Variants in ZC3H3 observed in about 807,000 individuals in gnomAD.
ZC3H3 encodes zinc finger CCCH-type containing 3.
Under a neutral mutation model 77.3 loss-of-function variants are expected in ZC3H3, and 36 were observed. The ratio of observed to expected loss-of-function variants is 0.47; its 90% confidence interval spans 0.36 to 0.61. The LOEUF (loss-of-function observed/expected upper bound fraction) is 0.61. ZC3H3 is among the 20% of genes least tolerant of loss of function. The pLI, the probability that ZC3H3 is intolerant of heterozygous loss-of-function variation, is 0.00. For synonymous variants in ZC3H3, 626 were observed against 555.2 expected (o/e 1.13, Z -1.79); for missense variants, 1,331 against 1,312.2 (o/e 1.01, Z -0.22).
chr8:143,506,177 C>T (rs752736775), intron 4 of ZC3H3, among the ~76,000 whole-genome samples: 13 of 152,246 alleles, frequency 8.5e-5, no homozygotes, highest in Non-Finnish European at 1.6e-4. Context: ...CCAAACCAGA[C>T]GCCTTCTTGG....
intron 3 of ZC3H3, among the ~76,000 whole-genome samples, chr8:143,516,525 TCACA>T (rs57359541): frequency 0.027 from 3,827 of 139,924 alleles, 60 homozygotes; most frequent in South Asian, 0.048. Context: ...AACTTTGCAA[TCACA>T]CACACACACA....
At chr8:143,515,588 G>A (rs1283714598) in intron 3 of ZC3H3, among the ~76,000 whole-genome samples, 1 of 152,224 alleles carries the variant, frequency 6.6e-6, no homozygotes, top group African/African-American at 2.4e-5. Flanking sequence ...ATTCTGGCCA[G>A]CTCAGGCAGA....
chr8:143,455,032 TA>T (rs1820078721), intron 9 of ZC3H3, among the ~76,000 whole-genome samples: 3 of 149,724 alleles, frequency 2.0e-5, no homozygotes, highest in Admixed American at 6.6e-5. Context: ...AAAAAAAAAA[TA>T]GGCTGGGCGT....
chr8:143,477,249 C>T (rs559354417), intron 4 of ZC3H3, among the ~76,000 whole-genome samples: 11 of 152,328 alleles, frequency 7.2e-5, no homozygotes, highest in East Asian at 5.8e-4. Context: ...ACAAGCACGG[C>T]GGCTGGAGCA....
intron 8 of ZC3H3, among the ~76,000 whole-genome samples, chr8:143,467,333 T>C (rs543107598): frequency 6.6e-6 from 1 of 152,134 alleles, no homozygotes; most frequent in African/African-American, 2.4e-5. Flanking sequence ...CAAATAACAA[T>C]AACATTAATT....
chr8:143,503,901 G>A (rs970664350), intron 4 of ZC3H3, among the ~76,000 whole-genome samples: 7 of 152,216 alleles, frequency 4.6e-5, no homozygotes, highest in South Asian at 4.1e-4. Flanking sequence ...AGCCATCAAC[G>A]GGCCCTGACG....
intron 1 of ZC3H3, among the ~76,000 whole-genome samples, chr8:143,540,949 C>CT (rs1475078268): frequency 6.6e-6 from 1 of 151,018 alleles, no homozygotes; most frequent in Non-Finnish European, 1.5e-5. Flanking sequence ...GAGCAAGACT[C>CT]TGTCTCAAAA....
chr8:143,472,366 G>A (rs1404132930), intron 5 of ZC3H3, among the ~76,000 whole-genome samples: 2 of 152,244 alleles, frequency 1.3e-5, no homozygotes, highest in African/African-American at 2.4e-5. Context: ...GGGGCTCTGC[G>A]CCCGCCAGGG....
intron 9 of ZC3H3, among the ~76,000 whole-genome samples, chr8:143,453,554 A>G (rs1820040666): frequency 6.6e-6 from 1 of 152,228 alleles, no homozygotes; most frequent in Admixed American, 6.5e-5. Context: ...ATAAAGGGGA[A>G]ATCAAGACAT....
intron 9 of ZC3H3, among the ~76,000 whole-genome samples, chr8:143,443,284 C>CAA (rs34765299): frequency 0.012 from 701 of 60,266 alleles, 8 homozygotes; most frequent in Middle Eastern, 0.027. Context: ...GACCCTGTCT[C>CAA]AAAAAAAAAA....
At position 143,437,933 on chromosome 8, in the gene ZC3H3, C is replaced by G; in HGVS notation, c.*123G>C. 1 of 1,341,192 alleles carries G rather than the reference C, an allele frequency of 7.5e-7. No homozygotes were observed. Among genetic ancestry groups the G allele is most frequent in the Non-Finnish European group, 1.0e-6 (1 of 958,798 alleles). The allele number at this position is 1,341,192 out of a possible 1,614,324, so 83.1% of individuals were successfully genotyped here. The stretch of plus-strand genomic sequence containing the variant: ...AGGGCCAGGCAGGCAGAGCAGTGTC[C>G]CTGTGGCCCCCAGGTGAGGCTTGGT... On this transcript the variant is annotated 3_prime_UTR_variant, in exon 12 of 12. Transcript: ENST00000262577.
At chr8:143,511,725 C>G (rs1821875268) in intron 3 of ZC3H3, among the ~76,000 whole-genome samples, 2 of 152,224 alleles carry the variant, frequency 1.3e-5, no homozygotes, top group Non-Finnish European at 2.9e-5. Flanking sequence ...GCCTTATGCA[C>G]AGTGGGCTAC....
chr8:143,467,612 T>G (rs1374680863), intron 8 of ZC3H3, among the ~76,000 whole-genome samples: 6 of 152,126 alleles, frequency 3.9e-5, no homozygotes, highest in Admixed American at 3.9e-4. Flanking sequence ...CGTGGCTGAG[T>G]CCGGGGCACA....
intron 8 of ZC3H3, among the ~76,000 whole-genome samples, chr8:143,466,305 C>A (rs866450769): frequency 1.3e-5 from 2 of 152,180 alleles, no homozygotes; most frequent in South Asian, 2.1e-4. Flanking sequence ...CCTCTCCAGG[C>A]ACCTGACCCG....
In ZC3H3 at chr8:143,462,369, C is replaced by T. The variant is rs775365453; in HGVS notation, c.2307+3348G>A. On this transcript the variant is annotated intron_variant, in intron 9 of 11. Transcript: ENST00000262577. This position sits in a 1 kb window ranked among gnomAD's most constrained non-coding sequence, Gnocchi z 4.7. The stretch of plus-strand genomic sequence containing the variant: ...TGGAGACTGGTCCTAAACAAGACCC[C>T]GAGCACAAATCACAGGGCAAAGGAT... Among the ~76,000 whole-genome samples the T allele has an allele frequency of 5.9e-5, 9 of 152,276 alleles. No homozygotes were observed. The highest frequency in any genetic ancestry group is 2.1e-4 in the South Asian group (1 of 4,826).
At chr8:143,469,505 G>T (rs1209927359) in intron 5 of ZC3H3, among the ~76,000 whole-genome samples, 2 of 152,254 alleles carry the variant, frequency 1.3e-5, no homozygotes, top group Non-Finnish European at 2.9e-5. Flanking sequence ...CTAAATTTTA[G>T]AGGTGCCTCA....
chr8:143,487,673 C>T (rs1821087891), intron 4 of ZC3H3, among the ~76,000 whole-genome samples: 1 of 46,784 alleles, frequency 2.1e-5, no homozygotes, highest in East Asian at 8.7e-4. Context: ...ACCCGCTACA[C>T]GACCCCATCA....
intron 3 of ZC3H3, among the ~76,000 whole-genome samples, chr8:143,517,793 C>T (rs780233701): frequency 5.9e-5 from 9 of 152,214 alleles, no homozygotes; most frequent in African/African-American, 1.4e-4. Flanking sequence ...TTTGACCCCC[C>T]GCTCCTGCCT....
intron 4 of ZC3H3, among the ~76,000 whole-genome samples, chr8:143,500,662 G>C (rs554032563): frequency 3.3e-4 from 50 of 152,292 alleles, no homozygotes; most frequent in Non-Finnish European, 6.5e-4. Flanking sequence ...AAGGCAAGCA[G>C]GTGCCTGAGA....
Sources: gnomAD v4.1 joint callset for allele counts (sites outside exome capture counted in the v4.1 genomes callset) on GRCh38, gnomAD v4.1.1 for gene constraint, Gnocchi (gnomAD v3.1) non-coding constraint, MANE v1.5 for transcripts, NCBI Gene and HGNC (gene_info 2026-07-23, HGNC 2026-07-21) for gene names.